SCHIP1: variants seen among roughly 807,000 people sequenced by gnomAD.
SCHIP1 encodes the protein schwannomin-interacting protein 1.
A neutral mutation model predicts 29.7 loss-of-function variants in SCHIP1; 8 were observed. The observed-to-expected ratio is 0.27, with a 90% CI of 0.16 to 0.49. The LOEUF (loss-of-function observed/expected upper bound fraction) is 0.49, where lower values mean the gene tolerates loss of function less well. Ranked by LOEUF, SCHIP1 falls within the 20% of genes least tolerant of loss-of-function variation. The probability of loss-of-function intolerance (pLI) is 0.99; values close to 1 mark genes in which losing one functional copy is unlikely to be tolerated. For synonymous variants in SCHIP1, 76 were observed against 94.9 expected, an observed-to-expected ratio of 0.80 and a Z score of 1.16; for missense variants, 193 against 294.6, an observed-to-expected ratio of 0.66 and a Z score of 2.52.
the SCHIP1 span, among the ~76,000 whole-genome samples, chr3:159,823,163 A>T: frequency 1.3e-5 from 2 of 152,172 alleles, no homozygotes; most frequent in African/African-American, 4.8e-5. Flanking sequence ...TGGAGTAAGA[A>T]GTACCTTGAG....
chr3:159,580,438 G>A, the SCHIP1 span, among the ~76,000 whole-genome samples: 2 of 152,166 alleles, frequency 1.3e-5, no homozygotes, highest in East Asian at 3.9e-4. Context: ...AAGCAGGTGA[G>A]GCCAGTGCAT....
At chr3:159,420,987 C>T in the SCHIP1 span, among the ~76,000 whole-genome samples, 1 of 152,178 alleles carries the variant, frequency 6.6e-6, no homozygotes, top group African/African-American at 2.4e-5. Flanking sequence ...AAAGAGAGCC[C>T]ATCCAACTGA....
the SCHIP1 span, among the ~76,000 whole-genome samples, chr3:159,767,923 A>G: frequency 6.6e-6 from 1 of 152,262 alleles, no homozygotes; most frequent in East Asian, 1.9e-4. Context: ...TTTTAACTCT[A>G]TAACCTATTG....
chr3:159,716,350 CA>C, the SCHIP1 span, among the ~76,000 whole-genome samples: 21 of 152,264 alleles, frequency 1.4e-4, no homozygotes, highest in Non-Finnish European at 1.5e-4. Context: ...AACTAATGAG[CA>C]AAATAACCAG....
At chr3:159,291,227 T>G in the SCHIP1 span, among the ~76,000 whole-genome samples, 4 of 152,054 alleles carry the variant, frequency 2.6e-5, no homozygotes, top group African/African-American at 4.8e-5. Flanking sequence ...ATGAAAGCAA[T>G]TATTGGCAAC....
chr3:159,726,792 A>G, the SCHIP1 span, among the ~76,000 whole-genome samples: 1 of 152,188 alleles, frequency 6.6e-6, no homozygotes, highest in Non-Finnish European at 1.5e-5. Flanking sequence ...CCTCTGTGCC[A>G]TTTCCCAGGT....
At chr3:159,502,828 G>A in the SCHIP1 span, among the ~76,000 whole-genome samples, 1 of 152,172 alleles carries the variant, frequency 6.6e-6, no homozygotes, top group Non-Finnish European at 1.5e-5. Flanking sequence ...GATTTGCTTG[G>A]CCAAGTGCAG....
At chr3:159,409,193 G>GA in the SCHIP1 span, among the ~76,000 whole-genome samples, 2 of 151,902 alleles carry the variant, frequency 1.3e-5, no homozygotes, top group African/African-American at 4.8e-5. Context: ...AGTGAATGAG[G>GA]AAAAACTAAA....
chr3:159,549,339 G>T, the SCHIP1 span, among the ~76,000 whole-genome samples: 2 of 152,152 alleles, frequency 1.3e-5, no homozygotes, highest in Non-Finnish European at 2.9e-5. Flanking sequence ...CTACCCCATT[G>T]TTATGGTCTA....
At chr3:159,773,441 C>T in the SCHIP1 span, among the ~76,000 whole-genome samples, 2 of 152,200 alleles carry the variant, frequency 1.3e-5, no homozygotes, top group African/African-American at 4.8e-5. Flanking sequence ...GACCCAGCCT[C>T]AAGTCACCCG....
chr3:159,631,666 G>A, the SCHIP1 span, among the ~76,000 whole-genome samples: 1 of 152,148 alleles, frequency 6.6e-6, no homozygotes, highest in African/African-American at 2.4e-5. Context: ...ACCAGGGGCT[G>A]GAGGGAATGG....
the SCHIP1 span, among the ~76,000 whole-genome samples, chr3:159,445,114 C>T: frequency 3.9e-5 from 6 of 151,952 alleles, no homozygotes; most frequent in Non-Finnish European, 5.9e-5. Flanking sequence ...AGAAAGTTTT[C>T]GCAACCTACT....
At chr3:159,687,754 C>T in the SCHIP1 span, among the ~76,000 whole-genome samples, 15 of 152,258 alleles carry the variant, frequency 9.9e-5, 1 homozygote, top group Middle Eastern at 3.4e-3. Context: ...TCCCCTTGCC[C>T]CTCACTCTCC....
chr3:159,685,534 A>T, the SCHIP1 span, among the ~76,000 whole-genome samples: 2 of 152,202 alleles, frequency 1.3e-5, no homozygotes, highest in African/African-American at 2.4e-5. Flanking sequence ...ATGTAATTAA[A>T]TTTTTCTCAT....
chr3:159,609,169 G>C, the SCHIP1 span, among the ~76,000 whole-genome samples: 1 of 152,170 alleles, frequency 6.6e-6, no homozygotes. Flanking sequence ...TTTTCCAGTG[G>C]AGGGAGGGCA....
chr3:159,851,409 C>G (rs780949582), intron 1 of SCHIP1, among the ~76,000 whole-genome samples: 12 of 152,330 alleles, frequency 7.9e-5, no homozygotes, highest in African/African-American at 2.9e-4. Flanking sequence ...TATTCATCTT[C>G]CTTAACCTCA....
the SCHIP1 span, among the ~76,000 whole-genome samples, chr3:159,488,590 G>T: frequency 6.6e-6 from 1 of 152,114 alleles, no homozygotes; most frequent in Non-Finnish European, 1.5e-5. Flanking sequence ...GCTCTCTCAG[G>T]GGACAGGGGT....
the SCHIP1 span, among the ~76,000 whole-genome samples, chr3:159,803,910 AG>A: frequency 9.2e-6 from 1 of 108,244 alleles, no homozygotes; most frequent in East Asian, 3.2e-4. Flanking sequence ...CCCATTTTAC[AG>A]ATTTAGAAGC....
chr3:159,829,754 A>G, the SCHIP1 span, among the ~76,000 whole-genome samples: 2 of 152,206 alleles, frequency 1.3e-5, no homozygotes, highest in African/African-American at 4.8e-5. Flanking sequence ...AAATTACGCA[A>G]GTTGCCCAGA....
Sources: gnomAD v4.1 joint callset for allele counts (sites outside exome capture counted in the v4.1 genomes callset) on GRCh38, gnomAD v4.1.1 for gene constraint, MANE v1.5 for transcripts, NCBI Gene and HGNC (gene_info 2026-07-23, HGNC 2026-07-21) for gene names.